RARS1: variants seen among roughly 807,000 people sequenced by gnomAD.
RARS1 encodes the protein arginyl-tRNA synthetase 1.
A neutral mutation model predicts 78.7 loss-of-function variants in RARS1; 75 were observed. The ratio of observed to expected loss-of-function variants is 0.95; its 90% CI spans 0.79 to 1.15. RARS1 has a LOEUF of 1.15. Among genes scored for constraint, RARS1 ranks in the 50% most tolerant of loss-of-function variants. The probability of loss-of-function intolerance (pLI) is 0.00; values close to 1 mark genes in which losing one functional copy is unlikely to be tolerated. For missense variants in RARS1, 787 were observed against 787.5 expected (o/e 1.00, Z 0.01); for synonymous variants, 273 against 268.2 (o/e 1.02, Z -0.18).
chr5:168,493,977 T>C lies in RARS1; in HGVS notation c.453T>C (p.Ile151=). ...AACACCTCCCAGACAATGAATGTAT[T>C]GAAAAAGTTGAAATTGCTGGTCCTG... ...ITKHLPDNEC[I]EKVEIAGPGF... The change falls in exon 4 of 15, where the codon ATT becomes ATC. Residue 151 remains isoleucine (I), a synonymous_variant. Transcript: ENST00000231572. 1 of 1,610,130 alleles carries C rather than the reference T, an allele frequency of 6.2e-7. No homozygotes were observed. The highest frequency in any genetic ancestry group is 1.3e-5 in the African/African-American group (1 of 74,918).
Position 168,495,402 on chromosome 5 carries a change from C to T in RARS1, c.667C>T (p.Arg223Cys). 1 of 1,613,824 alleles carries T rather than the reference C, an allele frequency of 6.2e-7. No homozygotes were observed. The highest frequency in any genetic ancestry group is 8.5e-7 in the Non-Finnish European group (1 of 1,179,888). The change falls in exon 6 of 15, where the codon CGC becomes TGC. Residue 223 changes from arginine to cysteine, a missense_variant. Coordinates refer to ENST00000231572, the MANE Select transcript of RARS1 (RefSeq NM_002887.4). ...AACTATCATAGGAGAGAGTATAAGC[C>T]GCCTCTTTGAATTTGCAGGGTATGA... The part of the protein sequence containing the change: ...RSTIIGESIS[R>C]LFEFAGYDVL...
chr5:168,506,668 C>CTTTTTTT, intron 10 of RARS1, 54 bp from the exon 11 acceptor site: 2 of 1,129,524 alleles, frequency 1.8e-6, no homozygotes, highest in Non-Finnish European at 2.5e-6. Context: ...AGCCTTAAGT[C>CTTTTTTT]TTTTTTTTTT....
At chr5:168,511,469 C>T (rs985868584) in intron 12 of RARS1, among the ~76,000 whole-genome samples, 2 of 152,018 alleles carry the variant, frequency 1.3e-5, no homozygotes, top group Admixed American at 1.3e-4. Flanking sequence ...GATCTCACAA[C>T]AACTCACTAT....
At chr5:168,498,649 A>C (rs1758251493) in intron 7 of RARS1, among the ~76,000 whole-genome samples, 2 of 151,976 alleles carry the variant, frequency 1.3e-5, no homozygotes, top group Non-Finnish European at 2.9e-5. Context: ...AGCTTTGTAC[A>C]CTTGGATTTT....
At chr5:168,510,332 G>C (rs1253134113) in intron 11 of RARS1, among the ~76,000 whole-genome samples, 1 of 152,152 alleles carries the variant, frequency 6.6e-6, no homozygotes, top group Non-Finnish European at 1.5e-5. Context: ...TTTGAGTTGA[G>C]GGCTAGAGAT....
In RARS1 at chr5:168,517,963, T is replaced by C; in HGVS notation, c.1774T>C (p.Leu592=). ...GATTCTGCAAAAGATTTTAGATGAC[T>C]TATTTCTCCACACTCTCTGTGATTA... ...PEILQKILDD[L]FLHTLCDYIY... Residue 592 remains leucine, a synonymous_variant, in exon 14 of 15, where the codon TTA becomes CTA. Transcript: ENST00000231572. 6.2e-7 allele frequency: 1 copy of C among 1,613,792 alleles called. No individual in the cohort carries two copies. Among genetic ancestry groups the C allele is most frequent in the Non-Finnish European group, 8.5e-7 (1 of 1,179,922 alleles).
chr5:168,490,529 GGCA>G (rs1176836782), intron 2 of RARS1, among the ~76,000 whole-genome samples: 1 of 152,186 alleles, frequency 6.6e-6, no homozygotes, highest in African/African-American at 2.4e-5. Context: ...TATTGTGGGA[GGCA>G]TATTGGTTCT....
At chr5:168,502,384 A>ATATTTTTT (rs1280220276) in intron 9 of RARS1, among the ~76,000 whole-genome samples, 1 of 127,248 alleles carries the variant, frequency 7.9e-6, no homozygotes, top group Non-Finnish European at 1.6e-5. Flanking sequence ...ATATATATAT[A>ATATTTTTT]TTTTTTTTTT....
chr5:168,503,307 A>G (rs1380912614), intron 9 of RARS1, among the ~76,000 whole-genome samples: 1 of 152,162 alleles, frequency 6.6e-6, no homozygotes, highest in African/African-American at 2.4e-5. Context: ...TTCTTTCTCC[A>G]TTTGTTACTT....
chr5:168,517,928 G>A lies in RARS1; in HGVS notation c.1739G>A (p.Arg580Gln), dbSNP rs760836315. Residue 580 changes from arginine to glutamine, a missense_variant, in exon 14 of 15, where the codon CGG (arginine) becomes CAG (glutamine). Arg to Gln is a conservative substitution (Grantham distance 43). Transcript: ENST00000231572. ...TGGAAACTAGGCCGGTGCATTTTAC[G>A]GTTCCCTGAGATTCTGCAAAAGATT... ...KEWKLGRCILRFPEILQKILD... is the reference protein window; with the variant it reads ...KEWKLGRCILQFPEILQKILD... 27 of 1,613,554 alleles carry A rather than the reference G, an allele frequency of 1.7e-5. No homozygotes were observed. Among genetic ancestry groups the A allele is most frequent in the African/African-American group, 8.0e-5 (6 of 74,708 alleles).
Position 168,519,208 on chromosome 5 carries a change from C to A in RARS1, c.*18C>A. 6.3e-7 allele frequency: 1 copy of A among 1,586,514 alleles called. No homozygotes were observed. ...GGATGTAATCCTTCATAGGTTTGAA[C>A]ACTGTGTGTTTTTACCAAAGTGGCC... On this transcript the variant is annotated 3_prime_UTR_variant, in exon 15 of 15. Transcript: ENST00000231572.
Position 168,496,524 on chromosome 5 carries a change from C to T in RARS1, c.702-704C>T, listed in dbSNP as rs150535729. On this transcript the variant is annotated intron_variant, in intron 6 of 14. Coordinates refer to ENST00000231572, the MANE Select transcript of RARS1 (RefSeq NM_002887.4). ...TGGAGACAGAGTCTTGCTCTGTTGC[C>T]CAGGCTGGAGTGCAGTGGCGCAATC... 5.1e-4 allele frequency among the ~76,000 whole-genome samples: 78 copies of T among 151,650 alleles called. No homozygotes were observed. In the East Asian group the frequency reaches 0.013, roughly 25 times the overall value.
At chr5:168,500,320 C>T (rs1758291421) in intron 7 of RARS1, among the ~76,000 whole-genome samples, 1 of 151,174 alleles carries the variant, frequency 6.6e-6, no homozygotes, top group African/African-American at 2.4e-5. Flanking sequence ...CCCTTGAACA[C>T]AAAAGTATTA....
intron 9 of RARS1, among the ~76,000 whole-genome samples, chr5:168,504,085 CGAGA>C (rs771935583): frequency 3.5e-5 from 5 of 142,454 alleles, no homozygotes; most frequent in African/African-American, 5.2e-5. Flanking sequence ...AAAAGAATAA[CGAGA>C]GAGAGAGAGA....
chr5:168,494,819 C>T (rs954558761), intron 5 of RARS1, 169 bp downstream of exon 5: 2 of 543,726 alleles, frequency 3.7e-6, no homozygotes, highest in African/African-American at 1.9e-5. Flanking sequence ...TGAATAGCTA[C>T]TGCACTTCAA....
At chr5:168,503,963 T>C (rs1758380716) in intron 9 of RARS1, among the ~76,000 whole-genome samples, 1 of 151,558 alleles carries the variant, frequency 6.6e-6, no homozygotes, top group Non-Finnish European at 1.5e-5. Flanking sequence ...TGCATGCCTG[T>C]AGTTCTAGCT....
In RARS1 at chr5:168,494,729, C is replaced by T; in HGVS notation, c.579+79C>T. The T allele has an allele frequency of 5.8e-6, 6 of 1,031,234 alleles. No individual in the cohort carries two copies. In the South Asian group the frequency reaches 8.1e-5, roughly 14 times the overall value. 63.9% of individuals were successfully genotyped at this position (1,031,234 alleles called of 1,614,324 possible). On this transcript the variant is annotated intron_variant, in intron 5 of 14. Coordinates refer to ENST00000231572, the MANE Select transcript of RARS1 (RefSeq NM_002887.4). Reference sequence around the variant, plus strand: ...AAGCATGGTGGTATGTGCCTATAGTCTCAGCTACTTGGGAGGCTGAAGCAG... The same window carrying T: ...AAGCATGGTGGTATGTGCCTATAGTTTCAGCTACTTGGGAGGCTGAAGCAG...
In RARS1 at chr5:168,500,648, G is replaced by GTA. The variant is rs1216177270; in HGVS notation, c.881_882dup (p.Val295Ter). On this transcript the variant is annotated frameshift_variant, in exon 8 of 15. Transcript: ENST00000231572. LOFTEE classifies it high-confidence loss of function. Reference sequence around the variant, plus strand: ...ATTTAAGAAGCGAGCATATCAGTGTGTAGTTCTGCTCCAGGGTAAAAACCC... The same window carrying GTA: ...ATTTAAGAAGCGAGCATATCAGTGTGTATAGTTCTGCTCCAGGGTAAAAACCC... The GTA allele has an allele frequency of 6.2e-7, 1 of 1,610,528 alleles. No homozygotes were observed. The highest frequency in any genetic ancestry group is 2.2e-5 in the East Asian group (1 of 44,712).
chr5:168,494,615 G>A lies in RARS1; in HGVS notation c.544G>A (p.Gly182Arg). The change falls in exon 5 of 15, where the codon GGA (glycine) becomes AGA (arginine). Residue 182 changes from glycine (G) to arginine (R), a missense_variant. Physicochemically the swap from Gly to Arg is moderately radical, Grantham distance 125. Coordinates refer to ENST00000231572, the MANE Select transcript of RARS1 (RefSeq NM_002887.4). The stretch of plus-strand genomic sequence containing the variant: ...ACAATTGACCAGTCTTCTAGTGAAT[G>A]GAGTTCAACTACCTGCTCTGGGAGA... ...SEQLTSLLVNGVQLPALGENK... is the reference protein window; with the variant it reads ...SEQLTSLLVNRVQLPALGENK... 6.2e-7 allele frequency: 1 copy of A among 1,607,900 alleles called. No individual in the cohort carries two copies. Among genetic ancestry groups the A allele is most frequent in the Non-Finnish European group, 8.5e-7 (1 of 1,174,410 alleles).
Sources: allele counts gnomAD v4.1 joint callset (sites outside exome capture counted in the v4.1 genomes callset), GRCh38; gene constraint gnomAD v4.1.1; transcripts MANE v1.5; gene names NCBI Gene and HGNC (gene_info 2026-07-23, HGNC 2026-07-21).